SNTG1: variants seen among roughly 807,000 people sequenced by gnomAD.
The protein encoded by SNTG1 is gamma-1-syntrophin.
In SNTG1, 39 loss-of-function variants were observed where a neutral mutation model predicts 74.7. The ratio of observed to expected loss-of-function variants is 0.52; its 90% CI spans 0.40 to 0.68. SNTG1 has a LOEUF of 0.68. Ranked by LOEUF, SNTG1 falls within the 30% of genes least tolerant of loss-of-function variation. The pLI is 0.00. For synonymous variants in SNTG1, 254 were observed against 217.1 expected (o/e 1.17, Z -1.49); for missense variants, 685 against 609.5 (o/e 1.12, Z -1.30).
At chr8:50,778,135 C>T (rs2095646795) in intron 18 of SNTG1, among the ~76,000 whole-genome samples, 1 of 152,148 alleles carries the variant, frequency 6.6e-6, no homozygotes, top group Non-Finnish European at 1.5e-5. Flanking sequence ...CAAGTGTTTG[C>T]TATTGTGAAT....
intron 11 of SNTG1, among the ~76,000 whole-genome samples, chr8:50,543,136 A>G (rs1199142985): frequency 1.3e-5 from 2 of 152,200 alleles, no homozygotes; most frequent in African/African-American, 4.8e-5. Flanking sequence ...GACGTCTTAC[A>G]GAAAACATCT....
chr8:50,306,691 C>A (rs1313218641), intron 2 of SNTG1, among the ~76,000 whole-genome samples: 1 of 151,552 alleles, frequency 6.6e-6, no homozygotes, highest in African/African-American at 2.4e-5. Context: ...ATTTTTATAT[C>A]TTTTTTGAGA....
chr8:50,416,233 T>C (rs2131424200), intron 4 of SNTG1, among the ~76,000 whole-genome samples: 1 of 152,276 alleles, frequency 6.6e-6, no homozygotes, highest in Non-Finnish European at 1.5e-5. Context: ...TGTGGGATCA[T>C]TTGCTCGCAC....
At chr8:50,740,940 G>C (rs1391789750) in intron 17 of SNTG1, among the ~76,000 whole-genome samples, 1 of 152,052 alleles carries the variant, frequency 6.6e-6, no homozygotes, top group South Asian at 2.1e-4. Flanking sequence ...GCTAAATGAT[G>C]AGAACACATG....
At chr8:50,783,778 G>C (rs547010196) in intron 18 of SNTG1, among the ~76,000 whole-genome samples, 1 of 152,146 alleles carries the variant, frequency 6.6e-6, no homozygotes, top group Non-Finnish European at 1.5e-5. Flanking sequence ...AGAAATCACT[G>C]GTCTTCTGCG....
intron 2 of SNTG1, among the ~76,000 whole-genome samples, chr8:50,369,684 G>A (rs1339169811): frequency 2.6e-5 from 4 of 151,654 alleles, no homozygotes; most frequent in African/African-American, 9.7e-5. Flanking sequence ...GTTGCTGTCT[G>A]CAAGCCAGGA....
chr8:50,552,986 A>G (rs1446465688), intron 11 of SNTG1, 64 bp from the exon 12 acceptor site: 3 of 1,591,658 alleles, frequency 1.9e-6, no homozygotes, highest in East Asian at 2.2e-5. Flanking sequence ...AACAGATACT[A>G]TTACGAGCTG....
intron 2 of SNTG1, among the ~76,000 whole-genome samples, chr8:50,291,078 A>G (rs1032232027): frequency 6.6e-6 from 1 of 152,164 alleles, no homozygotes; most frequent in African/African-American, 2.4e-5. Context: ...ATTCTTGCAT[A>G]TGTGGATTTC....
intron 13 of SNTG1, among the ~76,000 whole-genome samples, chr8:50,612,517 A>G (rs2094857880): frequency 6.6e-6 from 1 of 152,170 alleles, no homozygotes; most frequent in Non-Finnish European, 1.5e-5. Flanking sequence ...ATGTTAGACT[A>G]TATATTAGAA....
chr8:50,015,764 T>C (rs552760233), intron 1 of SNTG1, among the ~76,000 whole-genome samples: 2 of 152,156 alleles, frequency 1.3e-5, no homozygotes, highest in Non-Finnish European at 2.9e-5. Context: ...AGTCAGTTTG[T>C]TTATTCCTGT....
chr8:50,642,362 A>C (rs2095078970), intron 13 of SNTG1, among the ~76,000 whole-genome samples: 1 of 152,090 alleles, frequency 6.6e-6, no homozygotes, highest in East Asian at 1.9e-4. Flanking sequence ...AATCCAGTCA[A>C]AACGCACATT....
intron 12 of SNTG1, among the ~76,000 whole-genome samples, chr8:50,557,221 CAAAAA>C (rs570613406): frequency 1.1e-4 from 8 of 71,654 alleles, no homozygotes; most frequent in African/African-American, 4.0e-4. Context: ...GGGAGAAAAC[CAAAAA>C]AAAAAAAAAA....
In SNTG1 at chr8:50,326,580, C is replaced by CT. The variant is rs201488250; in HGVS notation, c.-27-67623dup. On this transcript the variant is annotated intron_variant, in intron 2 of 18. Coordinates refer to ENST00000642720, the MANE Select transcript of SNTG1 (RefSeq NM_018967.5). The stretch of plus-strand genomic sequence containing the variant: ...GATATTAGTAATTTGTGTCTTGTCT[C>CT]TTTTTTTTTATTCCTAGTTAGCCTA... Among the ~76,000 whole-genome samples the CT allele has an allele frequency of 5.6e-3, 836 of 150,410 alleles. 13 individuals carry two copies. The highest frequency in any genetic ancestry group is 0.016 in the African/African-American group (639 of 41,072).
At chr8:50,258,912 A>G (rs2087015074) in intron 2 of SNTG1, among the ~76,000 whole-genome samples, 1 of 152,170 alleles carries the variant, frequency 6.6e-6, no homozygotes, top group African/African-American at 2.4e-5. Context: ...AAAATGCTCT[A>G]AATCTGATTA....
At chr8:50,464,370 G>T (rs2093591752) in intron 8 of SNTG1, among the ~76,000 whole-genome samples, 1 of 151,998 alleles carries the variant, frequency 6.6e-6, no homozygotes, top group African/African-American at 2.4e-5. Context: ...TCTAAGTTTT[G>T]ATTTAAAGTG....
At chr8:50,792,532 A>C (rs1465473541) in intron 18 of SNTG1, 139 bp from the exon 19 acceptor site, 1 of 885,870 alleles carries the variant, frequency 1.1e-6, no homozygotes, top group Non-Finnish European at 1.7e-6. Context: ...AAAAATGTCT[A>C]CATTTGAAAT....
chr8:50,494,910 T>A (rs573660311), intron 8 of SNTG1, among the ~76,000 whole-genome samples: 1 of 152,254 alleles, frequency 6.6e-6, no homozygotes, highest in East Asian at 1.9e-4. Flanking sequence ...CTCTTTTCTA[T>A]ATTGAAATTC....
At chr8:50,666,949 G>T (rs904966071) in intron 15 of SNTG1, among the ~76,000 whole-genome samples, 1 of 151,746 alleles carries the variant, frequency 6.6e-6, no homozygotes, top group Non-Finnish European at 1.5e-5. Context: ...TGATTGAAAA[G>T]CTAAATCTAA....
intron 2 of SNTG1, among the ~76,000 whole-genome samples, chr8:50,349,613 A>G (rs1360666678): frequency 6.6e-6 from 1 of 152,132 alleles, no homozygotes; most frequent in Non-Finnish European, 1.5e-5. Flanking sequence ...TGTTGTGTAA[A>G]TGAGTATTCA....
Sources: allele counts gnomAD v4.1 joint callset (sites outside exome capture counted in the v4.1 genomes callset), GRCh38; gene constraint gnomAD v4.1.1; transcripts MANE v1.5; gene names NCBI Gene and HGNC (gene_info 2026-07-23, HGNC 2026-07-21).